Variants in RBFOX1 observed in about 807,000 individuals in gnomAD.
The protein encoded by RBFOX1 is RNA binding protein fox-1 homolog 1.
Under a neutral mutation model 57.7 loss-of-function variants are expected in RBFOX1, and 8 were observed. The observed-to-expected ratio is 0.14, with a 90% CI of 0.08 to 0.25. The LOEUF is 0.25. RBFOX1 is among the 10% of genes least tolerant of loss of function. The pLI is 1.00. For synonymous variants in RBFOX1, 326 were observed against 222.4 expected (o/e 1.47, Z -4.15); for missense variants, 611 against 548.5 (o/e 1.11, Z -1.14).
At chr16:7,319,385 T>A (rs557329346) in intron 4 of RBFOX1, among the ~76,000 whole-genome samples, 87 of 152,286 alleles carry the variant, frequency 5.7e-4, no homozygotes, top group African/African-American at 1.8e-3. Flanking sequence ...CTCAATAAGT[T>A]TACAAGCATT....
chr16:6,402,551 T>G (rs1398354148), intron 2 of RBFOX1, among the ~76,000 whole-genome samples: 1 of 152,174 alleles, frequency 6.6e-6, no homozygotes, highest in African/African-American at 2.4e-5. Flanking sequence ...AGCAAAGTAC[T>G]GCTTTCTGCT....
intron 4 of RBFOX1, among the ~76,000 whole-genome samples, chr16:7,124,494 T>C (rs930312299): frequency 3.6e-5 from 5 of 140,526 alleles, no homozygotes; most frequent in Non-Finnish European, 7.7e-5. Flanking sequence ...CCTCCCTCCC[T>C]TCCTCGCTCC....
intron 3 of RBFOX1, among the ~76,000 whole-genome samples, chr16:7,051,100 G>C (rs539608059): frequency 6.6e-6 from 1 of 152,186 alleles, no homozygotes; most frequent in South Asian, 2.1e-4. Flanking sequence ...TCTGGTCCTG[G>C]AAGTCGGGAG....
chr16:6,126,901 C>G (rs1361742353), intron 1 of RBFOX1, among the ~76,000 whole-genome samples: 2 of 152,080 alleles, frequency 1.3e-5, no homozygotes, highest in Non-Finnish European at 1.5e-5. Context: ...GCAAACAGCT[C>G]AGAAACAGGT....
intron 4 of RBFOX1, among the ~76,000 whole-genome samples, chr16:7,170,307 C>A (rs571093791): frequency 6.6e-5 from 10 of 152,192 alleles, no homozygotes; most frequent in Non-Finnish European, 1.3e-4. Context: ...GTGTCTTGCT[C>A]TGTCTTTCAG....
intron 2 of RBFOX1, among the ~76,000 whole-genome samples, chr16:6,618,643 C>T (rs562383242): frequency 9.9e-5 from 15 of 152,246 alleles, no homozygotes; most frequent in East Asian, 9.7e-4. Flanking sequence ...GTGGCTAGTG[C>T]GTGAGAGAAC....
At chr16:5,804,280 C>T (rs1468927505) in intron 3 of RBFOX1, among the ~76,000 whole-genome samples, 2 of 152,146 alleles carry the variant, frequency 1.3e-5, no homozygotes, top group East Asian at 1.9e-4. Flanking sequence ...GGGTGAGATT[C>T]ATACATTCAT....
At chr16:6,452,163 C>T (rs1216441492) in intron 2 of RBFOX1, among the ~76,000 whole-genome samples, 1 of 150,282 alleles carries the variant, frequency 6.7e-6, no homozygotes, top group African/African-American at 2.5e-5. Context: ...TCCACGGCTC[C>T]ATCCATGGAT....
intron 1 of RBFOX1, among the ~76,000 whole-genome samples, chr16:5,256,689 C>G (rs548178823): frequency 1.4e-3 from 218 of 152,216 alleles, no homozygotes; most frequent in Non-Finnish European, 2.2e-3. Context: ...AATCCTAGCA[C>G]TTTGAGAGGC....
At chr16:5,341,997 G>T (rs1179635058) in intron 1 of RBFOX1, among the ~76,000 whole-genome samples, 1 of 152,194 alleles carries the variant, frequency 6.6e-6, no homozygotes, top group Non-Finnish European at 1.5e-5. Context: ...TGTCAAGTTT[G>T]TTCCCCTCCT....
intron 2 of RBFOX1, among the ~76,000 whole-genome samples, chr16:5,491,751 C>G (rs2042836682): frequency 6.6e-6 from 1 of 152,194 alleles, no homozygotes; most frequent in Non-Finnish European, 1.5e-5. Context: ...AGTGCTGGAG[C>G]CTGGCCCTTA....
intron 3 of RBFOX1, among the ~76,000 whole-genome samples, chr16:6,823,289 C>G (rs2091628553): frequency 6.6e-6 from 1 of 151,050 alleles, no homozygotes; most frequent in African/African-American, 2.4e-5. Flanking sequence ...AAGAGTCTTG[C>G]TCTGTCACCG....
rs1247099986 is a variant in RBFOX1 at position 7,522,846 on chromosome 16, A to T, written c.270+4457A>T. 3.9e-5 allele frequency among the ~76,000 whole-genome samples: 6 copies of T among 152,382 alleles called. No individual in the cohort carries two copies. The South Asian group carries it at 1.2e-3, about 32-fold the overall frequency. On this transcript the variant is annotated intron_variant, in intron 5 of 15. Coordinates refer to ENST00000550418, the MANE Select transcript of RBFOX1 (RefSeq NM_018723.4). ...AAACCACTTTTTAACAGCTTTGTTG[A>T]CATACAATAAACTGTATATATTTAA...
chr16:6,246,824 T>G (rs1354418343), intron 1 of RBFOX1, among the ~76,000 whole-genome samples: 1 of 152,108 alleles, frequency 6.6e-6, no homozygotes, highest in African/African-American at 2.4e-5. Context: ...ATCCCAGCAC[T>G]TTAGATGGCT....
chr16:5,897,054 A>G (rs1245733633), intron 4 of RBFOX1, among the ~76,000 whole-genome samples: 2 of 65,952 alleles, frequency 3.0e-5, no homozygotes, highest in Non-Finnish European at 5.0e-5. Context: ...TTTGGGACGG[A>G]GTCTCGCTCT....
chr16:6,847,916 C>T (rs888281195), intron 3 of RBFOX1, among the ~76,000 whole-genome samples: 1 of 152,024 alleles, frequency 6.6e-6, no homozygotes, highest in Non-Finnish European at 1.5e-5. Context: ...TGGCTCACTG[C>T]AACCTCTGTA....
chr16:6,325,879 C>T (rs544710401), intron 2 of RBFOX1, among the ~76,000 whole-genome samples: 1 of 152,288 alleles, frequency 6.6e-6, no homozygotes, highest in African/African-American at 2.4e-5. Context: ...CAGATCCTTG[C>T]TTCAGAAAAT....
chr16:6,485,937 A>G (rs1025783276), intron 2 of RBFOX1, among the ~76,000 whole-genome samples: 1 of 152,062 alleles, frequency 6.6e-6, no homozygotes, highest in Admixed American at 6.5e-5. Context: ...AGGTAATTGA[A>G]GTACAACAAA....
chr16:7,192,690 A>C (rs1319250550), intron 4 of RBFOX1, among the ~76,000 whole-genome samples: 1 of 152,180 alleles, frequency 6.6e-6, no homozygotes, highest in Non-Finnish European at 1.5e-5. Flanking sequence ...TCATTGTATT[A>C]TGATTAAGTA....
Sources: gnomAD v4.1 joint callset for allele counts (sites outside exome capture counted in the v4.1 genomes callset) on GRCh38, gnomAD v4.1.1 for gene constraint, MANE v1.5 for transcripts, NCBI Gene and HGNC (gene_info 2026-07-23, HGNC 2026-07-21) for gene names.